ERC1: variants seen among roughly 807,000 people sequenced by gnomAD.
ERC1 encodes the protein ELKS/RAB6-interacting/CAST family member 1.
In ERC1, 56 loss-of-function variants were observed where a neutral mutation model predicts 132.0. The ratio of observed to expected loss-of-function variants is 0.42; its 90% CI spans 0.34 to 0.53. The LOEUF (loss-of-function observed/expected upper bound fraction) is 0.53. Among genes scored for constraint, ERC1 ranks in the 20% least tolerant of loss-of-function variants. The pLI is 0.03. For missense variants in ERC1, 1,202 were observed against 1,349.9 expected, an observed-to-expected ratio of 0.89 and a Z score of 1.72; for synonymous variants, 478 against 476.1, an observed-to-expected ratio of 1.00 and a Z score of -0.05.
At chr12:1,031,032 C>T (rs368771313) in intron 2 of ERC1, among the ~76,000 whole-genome samples, 180 of 152,248 alleles carry the variant, frequency 1.2e-3, no homozygotes, top group Non-Finnish European at 2.1e-3. Context: ...TTTAAGATTT[C>T]GGTTGATTGT....
At chr12:1,363,379 A>G (rs1162552504) in intron 15 of ERC1, among the ~76,000 whole-genome samples, 2 of 152,110 alleles carry the variant, frequency 1.3e-5, no homozygotes, top group African/African-American at 2.4e-5. Context: ...CAAGTTTTCC[A>G]CCTACAATTT....
At chr12:1,003,096 C>A (rs1006259458) in intron 1 of ERC1, among the ~76,000 whole-genome samples, 1,338 of 86,604 alleles carry the variant, frequency 0.015, no homozygotes, top group African/African-American at 0.038. Flanking sequence ...ATGAAAAATG[C>A]AAAAAAAAAA....
chr12:1,150,368 A>G (rs1373314715), intron 8 of ERC1, among the ~76,000 whole-genome samples: 1 of 152,250 alleles, frequency 6.6e-6, no homozygotes, highest in Non-Finnish European at 1.5e-5. Flanking sequence ...GAAGCAGAAC[A>G]TATTCATAGG....
chr12:1,083,523 T>C lies in ERC1; in HGVS notation c.1029T>C (p.Val343=). The C allele has an allele frequency of 6.2e-7, 1 of 1,613,382 alleles. No homozygotes were observed. The highest frequency in any genetic ancestry group is 8.5e-7 in the Non-Finnish European group (1 of 1,179,820). ...GACTGGCAGAGGCAGAGATGCACGT[T>C]CATCACCTAGAAAGCCTTTTGGAGC... ...TRRLAEAEMH[V]HHLESLLEQK... The change falls in exon 3 of 19, where the codon GTT becomes GTC. Residue 343 remains valine, a synonymous_variant. Transcript: ENST00000360905.
chr12:1,010,495 G>C (rs919142908), intron 1 of ERC1, among the ~76,000 whole-genome samples: 1 of 134,106 alleles, frequency 7.5e-6, no homozygotes, highest in Non-Finnish European at 1.6e-5. Context: ...AAAAAAAAAA[G>C]AGAAAGGAAA....
chr12:1,283,105 A>G (rs571450656), intron 14 of ERC1, among the ~76,000 whole-genome samples: 13 of 152,316 alleles, frequency 8.5e-5, no homozygotes, highest in African/African-American at 3.1e-4. Context: ...TGGTAAAGTC[A>G]TAATTTGTTC....
chr12:1,044,314 T>A (rs572602065), intron 2 of ERC1, among the ~76,000 whole-genome samples: 1 of 152,360 alleles, frequency 6.6e-6, no homozygotes, highest in Non-Finnish European at 1.5e-5. Flanking sequence ...AGTGGAATTC[T>A]CTAAGAGTCT....
At position 1,341,069 on chromosome 12, in the gene ERC1, C is replaced by CTTTTTTTTTTTTT. The variant is rs35902573; in HGVS notation, c.2781-30734_2781-30722dup. Among the ~76,000 whole-genome samples the CTTTTTTTTTTTTT allele has an allele frequency of 1.8e-3, 114 of 63,102 alleles. 25 individuals are homozygous for CTTTTTTTTTTTTT. The highest frequency in any genetic ancestry group is 3.6e-3 in the East Asian group (5 of 1,372). 41.4% of individuals were successfully genotyped at this position (63,102 alleles called of 152,430 possible). Reference sequence around the variant, plus strand: ...AATGTCCACTTATTCTTTTCTTTTTCTTTTTTTTTTTTTTTTTTTTTTTTT... The same window carrying CTTTTTTTTTTTTT: ...AATGTCCACTTATTCTTTTCTTTTTCTTTTTTTTTTTTTTTTTTTTTTTTTTTTTTTTTTTTTT... On this transcript the variant is annotated intron_variant, in intron 15 of 18. Coordinates refer to ENST00000360905, the MANE Select transcript of ERC1 (RefSeq NM_178040.4).
intron 16 of ERC1, chr12:1,390,459 T>A: frequency 6.6e-6 from 1 of 152,206 alleles, no homozygotes; most frequent in Middle Eastern, 3.4e-3. Context: ...AAAGTAAAAA[T>A]TACTAAATTG....
chr12:1,495,826 GTTATA>G lies in ERC1; in HGVS notation c.*5599_*5603del, dbSNP rs746247192. ...GATAATGACATTACAAAGAAATTGT[GTTATA>G]TTCAACTTTGCCTTGATAATTATTG... is the stretch of plus-strand genomic sequence containing the variant. On this transcript the variant is annotated 3_prime_UTR_variant, in exon 19 of 19. Coordinates refer to ENST00000360905, the MANE Select transcript of ERC1 (RefSeq NM_178040.4). The G allele has an allele frequency of 9.1e-5, 19 of 208,320 alleles. No homozygotes were observed. Among genetic ancestry groups the G allele is most frequent in the Non-Finnish European group, 1.7e-4 (17 of 102,416 alleles). 12.9% of individuals were successfully genotyped at this position (208,320 alleles called of 1,614,324 possible).
intron 18 of ERC1, among the ~76,000 whole-genome samples, chr12:1,481,920 G>A (rs996437487): frequency 6.6e-6 from 1 of 151,898 alleles, no homozygotes; most frequent in Non-Finnish European, 1.5e-5. Context: ...ACTTAGTTCG[G>A]GTCTCCATGT....
chr12:1,260,664 T>G (rs1029941455), intron 13 of ERC1, among the ~76,000 whole-genome samples: 1 of 152,202 alleles, frequency 6.6e-6, no homozygotes, highest in African/African-American at 2.4e-5. Flanking sequence ...AGTGCCAGAT[T>G]TTACCCACTC....
chr12:1,262,645 T>C (rs932195973), intron 13 of ERC1, among the ~76,000 whole-genome samples: 1 of 152,118 alleles, frequency 6.6e-6, no homozygotes, highest in South Asian at 2.1e-4. Context: ...AGGGAAAGAG[T>C]GTTTTGATAT....
intron 2 of ERC1, among the ~76,000 whole-genome samples, chr12:1,038,351 TTAAAG>T (rs1242795532): frequency 1.3e-5 from 2 of 151,704 alleles, no homozygotes; most frequent in African/African-American, 2.4e-5. Context: ...AATTCACCCT[TTAAAG>T]TATAGTTTTT....
At position 1,199,801 on chromosome 12, in the gene ERC1, T is replaced by G. The variant is rs1210368778; in HGVS notation, c.2351+9749T>G. The stretch of plus-strand genomic sequence containing the variant: ...TCTCAGAAAAGAAAAAAAAAAAAAG[T>G]TATGTGATCTGTTCATAGGATTTGG... On this transcript the variant is annotated intron_variant, in intron 12 of 18. Transcript: ENST00000360905. Among the ~76,000 whole-genome samples the G allele has an allele frequency of 2.0e-5, 3 of 151,432 alleles. No individual in the cohort carries two copies. In the East Asian group the frequency reaches 5.8e-4, roughly 29 times the overall value.
At chr12:1,481,230 G>A (rs2094085212) in intron 18 of ERC1, among the ~76,000 whole-genome samples, 2 of 152,086 alleles carry the variant, frequency 1.3e-5, no homozygotes, top group Non-Finnish European at 2.9e-5. Context: ...AGGGGGCGCC[G>A]CCGTATTTTA....
intron 8 of ERC1, among the ~76,000 whole-genome samples, chr12:1,149,934 T>C (rs1950691199): frequency 6.6e-6 from 1 of 152,238 alleles, no homozygotes. Flanking sequence ...ACTTGCTTAA[T>C]ATTACTTGAA....
chr12:1,417,652 G>A lies in ERC1; in HGVS notation c.3024+9405G>A, dbSNP rs142560577. Among the ~76,000 whole-genome samples the A allele has an allele frequency of 8.5e-3, 1,296 of 151,900 alleles. 17 individuals are homozygous for A. Among genetic ancestry groups the A allele is most frequent in the African/African-American group, 0.03 (1,251 of 41,416 alleles). ...AAAAATTAGCTGGGTGTGGTGGCGC[G>A]TGCCTGTAATCCCAGCTACTCGGAA... On this transcript the variant is annotated intron_variant, in intron 17 of 18. Coordinates refer to ENST00000360905, the MANE Select transcript of ERC1 (RefSeq NM_178040.4).
intron 15 of ERC1, among the ~76,000 whole-genome samples, chr12:1,349,415 G>A (rs140335939): frequency 0.058 from 8,804 of 152,210 alleles, 406 homozygotes; most frequent in African/African-American, 0.13. Flanking sequence ...TGTAATCCCA[G>A]CACTTTGGGA....
Sources: gnomAD v4.1 joint callset for allele counts (sites outside exome capture counted in the v4.1 genomes callset) on GRCh38, gnomAD v4.1.1 for gene constraint, MANE v1.5 for transcripts, NCBI Gene and HGNC (gene_info 2026-07-23, HGNC 2026-07-21) for gene names.